Variants in FMO5 observed in about 807,000 individuals in gnomAD.
The protein encoded by FMO5 is flavin containing dimethylaniline monoxygenase 5, also known as flavin-containing monooxygenase 5.
A neutral mutation model predicts 43.6 loss-of-function variants in FMO5; 51 were observed. That is an observed-to-expected ratio of 1.17 (90% confidence interval 0.93 to 1.48). The LOEUF (loss-of-function observed/expected upper bound fraction) is 1.48, where lower values mean the gene tolerates loss of function less well. Among genes scored for constraint, FMO5 ranks in the 40% most tolerant of loss-of-function variants. The pLI, the probability that FMO5 is intolerant of heterozygous loss-of-function variation, is 0.00. For synonymous variants in FMO5, 187 were observed against 216.5 expected (o/e 0.86, Z 1.20); for missense variants, 644 against 643.0 (o/e 1.00, Z -0.02).
intron 7 of FMO5, among the ~76,000 whole-genome samples, chr1:147,190,917 A>G (rs587725197): frequency 6.6e-6 from 1 of 151,846 alleles, no homozygotes; most frequent in Admixed American, 6.5e-5. Flanking sequence ...CCCACCTATG[A>G]GTGAGAACAT....
At chr1:147,224,268 C>G (rs2102113984) in intron 2 of FMO5, 1 of 208,570 alleles carries the variant, frequency 4.8e-6, no homozygotes, top group African/African-American at 2.3e-5. Flanking sequence ...AATGGGGAGG[C>G]AATGTCCTGG....
At chr1:147,208,583 A>T (rs1571313714) in intron 6 of FMO5, 1 of 311,954 alleles carries the variant, frequency 3.2e-6, no homozygotes. Flanking sequence ...GGGACTACAG[A>T]CAGGTGCCAC....
downstream of FMO5, chr1:147,184,427 A>G (rs895713465): frequency 6.5e-6 from 9 of 1,384,498 alleles, no homozygotes; most frequent in African/African-American, 1.3e-4. The surrounding 1 kb of genome is among the most constrained non-coding windows in gnomAD (Gnocchi z 4.4). Flanking sequence ...TATTCCCTTA[A>G]TTTTTACTTA....
chr1:147,221,119 A>T (rs2102064327), intron 2 of FMO5, among the ~76,000 whole-genome samples: 1 of 131,032 alleles, frequency 7.6e-6, no homozygotes, highest in African/African-American at 2.9e-5. Flanking sequence ...TGGCCCCAAA[A>T]CTATCAAGGG....
At chr1:147,222,199 A>G (rs1404843338) in intron 2 of FMO5, among the ~76,000 whole-genome samples, 1 of 152,126 alleles carries the variant, frequency 6.6e-6, no homozygotes, top group African/African-American at 2.4e-5. Context: ...GTGAAACCCC[A>G]TCTTTACTAA....
intron 6 of FMO5, among the ~76,000 whole-genome samples, chr1:147,201,706 A>C (rs1659005691): frequency 6.6e-6 from 1 of 152,184 alleles, no homozygotes; most frequent in Non-Finnish European, 1.5e-5. Flanking sequence ...GGATGCACTG[A>C]AAGGGAGAGT....
chr1:147,204,872 GT>G, intron 6 of FMO5: 1 of 1,593,240 alleles, frequency 6.3e-7, no homozygotes, highest in Non-Finnish European at 8.6e-7. Flanking sequence ...TCTGAAAAGT[GT>G]TTCGCTCCCT....
intron 6 of FMO5, among the ~76,000 whole-genome samples, chr1:147,206,806 TGATGTAAATGACAAGTTAATG>T (rs1366775344): frequency 0.57 from 82,217 of 144,398 alleles, 24,490 homozygotes; most frequent in East Asian, 0.86. Flanking sequence ...GAGATATATC[TGATGTAAATGACAAGTTAATG>T]GATGTAAATG....
chr1:147,201,970 T>C (rs1659051958), intron 6 of FMO5, among the ~76,000 whole-genome samples: 1 of 152,214 alleles, frequency 6.6e-6, no homozygotes, highest in Non-Finnish European at 1.5e-5. Context: ...TTACAGTTTA[T>C]AAGTTGCTTT....
rs28381185 is a variant in FMO5, at chr1:147,212,977, A to G, written c.487+331T>C. On this transcript the variant is annotated intron_variant, in intron 4 of 8. Transcript: ENST00000254090. ...TCAAGCTTTCATTCCTTCCTTAGAA[A>G]CTCAATATTTGTGTTTACTGCTGAA... is the stretch of plus-strand genomic sequence containing the variant. Among the ~76,000 whole-genome samples, 909 of 152,118 alleles carry G rather than the reference A, an allele frequency of 6.0e-3. 4 individuals carry two copies. The highest frequency in any genetic ancestry group is 0.01 in the Middle Eastern group (3 of 294).
intron 7 of FMO5, among the ~76,000 whole-genome samples, chr1:147,193,328 T>A (rs1553918971): frequency 1.3e-5 from 2 of 152,158 alleles, no homozygotes; most frequent in African/African-American, 4.8e-5. Flanking sequence ...TGATGGTAGT[T>A]TGTATTTCTG....
intron 2 of FMO5, 150 bp from the exon 3 acceptor site, chr1:147,216,092 C>G: frequency 1.7e-6 from 1 of 586,606 alleles, no homozygotes; most frequent in Non-Finnish European, 3.0e-6. Context: ...TAGTCCCTTC[C>G]CCTTGAATCT....
At chr1:147,209,308 G>A (rs1660686458) in intron 5 of FMO5, among the ~76,000 whole-genome samples, 1 of 152,002 alleles carries the variant, frequency 6.6e-6, no homozygotes, top group Non-Finnish European at 1.5e-5. Context: ...CGTGGTTGCA[G>A]GTGCCTGTAG....
At chr1:147,214,571 A>T (rs1661659380) in intron 3 of FMO5, among the ~76,000 whole-genome samples, 2 of 152,088 alleles carry the variant, frequency 1.3e-5, no homozygotes, top group African/African-American at 2.4e-5. Context: ...CTCTGCCGAG[A>T]TCACCCTTTT....
At position 147,209,100 on chromosome 1, in the gene FMO5, C is replaced by T. The variant is rs587620944; in HGVS notation, c.631-49G>A. 3 of 1,509,988 alleles carry T rather than the reference C, an allele frequency of 2.0e-6. No individual in the cohort carries two copies. The South Asian group carries it at 3.5e-5, about 17-fold the overall frequency. The allele number at this position is 1,509,988 out of a possible 1,614,324, so 93.5% of individuals were successfully genotyped here. A position where few individuals can be genotyped will look rare whatever the true frequency, so the allele number is the denominator to read the frequency against. On this transcript the variant is annotated intron_variant, in intron 5 of 8. Coordinates refer to ENST00000254090, the MANE Select transcript of FMO5 (RefSeq NM_001461.4). ...GCTTTTGTCACTCAGATTCGTAAAC[C>T]TTCAAAAGCACCCCCATTTTCTTCA...
At chr1:147,208,627 T>C (rs782774667) in intron 6 of FMO5, 16 of 386,514 alleles carry the variant, frequency 4.1e-5, no homozygotes, top group Admixed American at 7.4e-5. Context: ...TTAGTAGAGA[T>C]GGGGTTTCAC....
chr1:147,211,927 G>T (rs141827756), intron 5 of FMO5, among the ~76,000 whole-genome samples: 8 of 152,274 alleles, frequency 5.3e-5, no homozygotes, highest in Admixed American at 1.3e-4. Flanking sequence ...TCCATTTGGG[G>T]AGTGTAAAGG....
At chr1:147,209,243 C>A (rs1553923248) in intron 5 of FMO5, among the ~76,000 whole-genome samples, 192 bp from the exon 6 acceptor site, 2 of 151,998 alleles carry the variant, frequency 1.3e-5, no homozygotes, top group African/African-American at 2.4e-5. Context: ...CACAGTGAAA[C>A]CCCGTCTCTA....
chr1:147,213,256 G>A, intron 4 of FMO5, 52 bp downstream of exon 4: 1 of 1,436,536 alleles, frequency 7.0e-7, no homozygotes. Context: ...ATTCCTCAGG[G>A]GTCAGGTCAC....
Sources: allele counts gnomAD v4.1 joint callset (sites outside exome capture counted in the v4.1 genomes callset), GRCh38; gene constraint gnomAD v4.1.1; non-coding constraint Gnocchi (gnomAD v3.1); transcripts MANE v1.5; gene names NCBI Gene and HGNC (gene_info 2026-07-23, HGNC 2026-07-21).